The following CDK18 variants were observed in gnomAD, a reference collection of about 807,000 sequenced individuals.
CDK18 encodes the protein cyclin dependent kinase 18, also known as cyclin-dependent kinase 18.
CDK18 carries 52 observed loss-of-function variants against 62.0 expected under a neutral mutation model. The ratio of observed to expected loss-of-function variants is 0.84; its 90% CI spans 0.67 to 1.06. The LOEUF (loss-of-function observed/expected upper bound fraction) is 1.06. Among genes scored for constraint, CDK18 ranks in the 50% least tolerant of loss-of-function variants. The pLI, the probability that CDK18 is intolerant of heterozygous loss-of-function variation, is 0.00. For synonymous variants in CDK18, 237 were observed against 247.0 expected (o/e 0.96, Z 0.38); for missense variants, 604 against 619.9 (o/e 0.97, Z 0.27).
rs1457365134 is a variant in CDK18, at chr1:205,531,612, A to G, written c.*234A>G. 9.1e-6 allele frequency: 5 copies of G among 547,438 alleles called. No homozygotes were observed. Among genetic ancestry groups the G allele is most frequent in the South Asian group, 8.1e-5 (4 of 49,572 alleles). The allele number at this position is 547,438 out of a possible 1,614,324, so 33.9% of individuals were successfully genotyped here. A position where few individuals can be genotyped will look rare whatever the true frequency, so the allele number is the denominator to read the frequency against. The stretch of plus-strand genomic sequence containing the variant: ...CTCCTTTACCCACGTTGGGGCTGGC[A>G]TAAGCTGCTTCCCTGAGAGGACATG... On this transcript the variant is annotated 3_prime_UTR_variant, in exon 16 of 16. Transcript: ENST00000429964.
intron 1 of CDK18, among the ~76,000 whole-genome samples, chr1:205,522,094 G>A (rs1166079044): frequency 6.6e-6 from 1 of 152,174 alleles, no homozygotes; most frequent in African/African-American, 2.4e-5. Flanking sequence ...TGGAGGGGAG[G>A]TGAGACAGCG....
intron 1 of CDK18, among the ~76,000 whole-genome samples, chr1:205,509,017 C>T (rs1269535654): frequency 4.6e-5 from 7 of 151,498 alleles, no homozygotes; most frequent in African/African-American, 9.7e-5. Flanking sequence ...GGCATGGTGG[C>T]GTGTGCCTGT....
In CDK18 at chr1:205,528,255, GA is replaced by G; in HGVS notation, c.974+89del. On this transcript the variant is annotated intron_variant, in intron 10 of 15. Coordinates refer to ENST00000429964, the MANE Select transcript of CDK18 (RefSeq NM_212502.3). This position sits in a 1 kb window ranked among gnomAD's most constrained non-coding sequence, Gnocchi z 4.2. ...CCTTTGCTTCCCCAAGGGCCTCGGGGAAGAACTGCCTAACTTCCTTTGCCTA... is the reference window on the plus strand; with the variant it reads ...CCTTTGCTTCCCCAAGGGCCTCGGGGAGAACTGCCTAACTTCCTTTGCCTA... The G allele has an allele frequency of 6.7e-7, 1 of 1,501,444 alleles. No individual in the cohort carries two copies. The highest frequency in any genetic ancestry group is 9.1e-7 in the Non-Finnish European group (1 of 1,101,596). The allele number at this position is 1,501,444 out of a possible 1,614,324, so 93.0% of individuals were successfully genotyped here.
At chr1:205,529,258 C>A in intron 11 of CDK18, 66 bp from the exon 12 acceptor site, 2 of 1,462,238 alleles carry the variant, frequency 1.4e-6, no homozygotes, top group Non-Finnish European at 1.9e-6. Context: ...TACATTGCAT[C>A]CCTTTCAAGT....
rs548890889 is a variant in CDK18, at chr1:205,531,549, G to A, written c.*171G>A. On this transcript the variant is annotated 3_prime_UTR_variant, in exon 16 of 16. Coordinates refer to ENST00000429964, the MANE Select transcript of CDK18 (RefSeq NM_212502.3). ...CGGCTGTTTCTTCTTTGTGCTTCCC[G>A]TGTGCCTCCCCAGTAGCCCTCACCT... 7 of 648,142 alleles carry A rather than the reference G, an allele frequency of 1.1e-5. No individual in the cohort carries two copies. The highest frequency in any genetic ancestry group is 2.7e-4 in the Middle Eastern group (1 of 3,736). 40.1% of individuals were successfully genotyped at this position (648,142 alleles called of 1,614,324 possible). A position where few individuals can be genotyped will look rare whatever the true frequency, so the allele number is the denominator to read the frequency against.
chr1:205,525,524 A>G (rs1407327352), intron 5 of CDK18, among the ~76,000 whole-genome samples: 1 of 152,102 alleles, frequency 6.6e-6, no homozygotes, highest in Non-Finnish European at 1.5e-5. Flanking sequence ...GGCAAGTTAC[A>G]TGACCTCTCT....
intron 1 of CDK18, among the ~76,000 whole-genome samples, chr1:205,513,469 A>G (rs1004540118): frequency 1.3e-5 from 2 of 152,256 alleles, no homozygotes; most frequent in Non-Finnish European, 2.9e-5. Flanking sequence ...GGGCCCCCAA[A>G]AAAGGTCAAA....
Position 205,527,796 on chromosome 1 carries a change from T to G in CDK18, c.732T>G (p.Ile244Met), listed in dbSNP as rs1668514009. Residue 244 changes from isoleucine to methionine, a missense_variant and splice_region_variant, in exon 9 of 16, where the codon ATT becomes ATG. Transcript: ENST00000429964. This position sits in a 1 kb window ranked among gnomAD's most constrained non-coding sequence, Gnocchi z 4.1. ...GNLMSMHNVKIFMFQLLRGLA... is the reference protein window; with the variant it reads ...GNLMSMHNVKMFMFQLLRGLA... ...CATTTCTCTTCCCCCTCCCCCAGAT[T>G]TTCATGTTCCAGCTGCTCCGGGGCC... 16 of 1,613,586 alleles carry G rather than the reference T, an allele frequency of 9.9e-6. No homozygotes were observed. Among genetic ancestry groups the G allele is most frequent in the Admixed American group, 1.7e-5 (1 of 59,962 alleles).
chr1:205,528,089 A>G lies in CDK18; in HGVS notation c.895A>G (p.Asn299Asp). 3 of 1,614,094 alleles carry G rather than the reference A, an allele frequency of 1.9e-6. No homozygotes were observed. Among genetic ancestry groups the G allele is most frequent in the East Asian group, 2.2e-5 (1 of 44,874 alleles). Reference sequence around the variant, plus strand: ...GTCAGTGCCCACAAAGACTTACTCCAATGAGGTGGTGACCCTGTGGTACAG... The same window carrying G: ...GTCAGTGCCCACAAAGACTTACTCCGATGAGGTGGTGACCCTGTGGTACAG... Reference protein sequence around the residue: ...AKSVPTKTYSNEVVTLWYRPP... With the variant: ...AKSVPTKTYSDEVVTLWYRPP... The change falls in exon 10 of 16, where the codon AAT becomes GAT. Residue 299 changes from asparagine (N) to aspartate (D), a missense_variant. Physicochemically the swap from Asn to Asp is conservative, Grantham distance 23 (BLOSUM62 1). Coordinates refer to ENST00000429964, the MANE Select transcript of CDK18 (RefSeq NM_212502.3). This position sits in a 1 kb window ranked among gnomAD's most constrained non-coding sequence, Gnocchi z 4.2.
At position 205,528,275 on chromosome 1, in the gene CDK18, T is replaced by G. The variant is rs956192681; in HGVS notation, c.974+107T>G. The stretch of plus-strand genomic sequence containing the variant: ...TCGGGGAAGAACTGCCTAACTTCCT[T>G]TGCCTAAAAGCCTTGTGACATCCTG... On this transcript the variant is annotated intron_variant, in intron 10 of 15. Coordinates refer to ENST00000429964, the MANE Select transcript of CDK18 (RefSeq NM_212502.3). The surrounding 1 kb of genome is among the most constrained non-coding windows in gnomAD (Gnocchi z 4.2). 8.1e-6 allele frequency: 11 copies of G among 1,360,860 alleles called. No homozygotes were observed. Among genetic ancestry groups the G allele is most frequent in the Non-Finnish European group, 1.1e-5 (11 of 987,892 alleles). The allele number at this position is 1,360,860 out of a possible 1,614,324, so 84.3% of individuals were successfully genotyped here.
intron 1 of CDK18, among the ~76,000 whole-genome samples, chr1:205,507,306 A>G (rs1667353408): frequency 6.6e-6 from 1 of 152,128 alleles, no homozygotes; most frequent in Admixed American, 6.5e-5. Context: ...CCGTTCCCTC[A>G]TCTGTAAAAT....
intron 1 of CDK18, among the ~76,000 whole-genome samples, chr1:205,513,762 A>C (rs1667682005): frequency 6.6e-6 from 1 of 152,218 alleles, no homozygotes; most frequent in Non-Finnish European, 1.5e-5. Flanking sequence ...TGGAGGCCCT[A>C]GCTCAATGCA....
chr1:205,530,706 G>A lies in CDK18; in HGVS notation c.1390+1G>A, dbSNP rs756448630. Reference sequence around the variant, plus strand: ...CGAGGCTTGGCCTTCCAGCAGCCAGGTAGGGGCTTGTGCTCTCCTGGACCC... The same window carrying A: ...CGAGGCTTGGCCTTCCAGCAGCCAGATAGGGGCTTGTGCTCTCCTGGACCC... On this transcript the variant is annotated splice_donor_variant, in intron 15 of 15. Transcript: ENST00000429964. LOFTEE classifies it high-confidence loss of function. 1.9e-6 allele frequency: 3 copies of A among 1,613,298 alleles called. No individual in the cohort carries two copies. The highest frequency in any genetic ancestry group is 2.5e-6 in the Non-Finnish European group (3 of 1,179,620).
chr1:205,529,065 G>A lies in CDK18; in HGVS notation c.1041G>A (p.Lys347=). The stretch of plus-strand genomic sequence containing the variant: ...CCCTCTTCCCGGGCTCCACAGTCAA[G>A]GAGGAGCTGCACCTCATCTTTCGCC... ...GRPLFPGSTV[K]EELHLIFRLL... The change falls in exon 11 of 16, where the codon AAG becomes AAA. Residue 347 remains lysine (K), a synonymous_variant. Coordinates refer to ENST00000429964, the MANE Select transcript of CDK18 (RefSeq NM_212502.3). The A allele has an allele frequency of 6.3e-7, 1 of 1,593,256 alleles. No individual in the cohort carries two copies. Among genetic ancestry groups the A allele is most frequent in the Non-Finnish European group, 8.5e-7 (1 of 1,170,276 alleles).
intron 4 of CDK18, 25 bp from the exon 5 acceptor site, chr1:205,525,114 G>C: frequency 6.3e-7 from 1 of 1,585,948 alleles, no homozygotes. Flanking sequence ...TCAAGCTCAC[G>C]GCATTCTATG....
At chr1:205,529,700 C>T (rs1243751643) in intron 13 of CDK18, 137 bp downstream of exon 13, 1 of 1,549,078 alleles carries the variant, frequency 6.5e-7, no homozygotes, top group Admixed American at 1.9e-5. Context: ...TACTCTCCAC[C>T]CCCAAGGCCA....
chr1:205,523,743 C>A, intron 3 of CDK18, 118 bp downstream of exon 3: 1 of 1,312,316 alleles, frequency 7.6e-7, no homozygotes, highest in South Asian at 1.5e-5. Flanking sequence ...CTCTGCCATT[C>A]ATTAGCTCTG....
intron 6 of CDK18, 31 bp downstream of exon 6, chr1:205,526,210 G>A: frequency 6.3e-7 from 1 of 1,583,742 alleles, no homozygotes; most frequent in Non-Finnish European, 8.7e-7. Flanking sequence ...ACGCTCCCCT[G>A]GGGGCTTCAG....
intron 1 of CDK18, chr1:205,522,789 T>G (rs1668199426): frequency 6.0e-6 from 1 of 166,816 alleles, no homozygotes; most frequent in Non-Finnish European, 1.3e-5. Flanking sequence ...CTCCAGCAGC[T>G]AAAGGGCTTA....
Sources: allele counts gnomAD v4.1 joint callset (sites outside exome capture counted in the v4.1 genomes callset), GRCh38; gene constraint gnomAD v4.1.1; non-coding constraint Gnocchi (gnomAD v3.1); transcripts MANE v1.5; gene names NCBI Gene and HGNC (gene_info 2026-07-23, HGNC 2026-07-21).